Variants in PLEK observed in about 807,000 individuals in gnomAD.
PLEK encodes platelet 47 kDa protein.
In PLEK, 25 loss-of-function variants were observed where a neutral mutation model predicts 43.9. That is an observed-to-expected ratio of 0.57 (90% confidence interval 0.41 to 0.79). The LOEUF (loss-of-function observed/expected upper bound fraction) is 0.79, where lower values mean the gene tolerates loss of function less well. Ranked by LOEUF, PLEK falls within the 30% of genes least tolerant of loss-of-function variation. The probability of loss-of-function intolerance (pLI) is 0.00; values close to 1 mark genes in which losing one functional copy is unlikely to be tolerated. For synonymous variants in PLEK, 152 were observed against 144.4 expected (o/e 1.05, Z -0.38); for missense variants, 396 against 413.3 (o/e 0.96, Z 0.36).
chr2:68,370,630 C>T (rs535661721), intron 1 of PLEK, among the ~76,000 whole-genome samples: 1 of 152,230 alleles, frequency 6.6e-6, no homozygotes, highest in East Asian at 1.9e-4. Flanking sequence ...GGACTACAGG[C>T]ATGTGCCACC....
intron 4 of PLEK, among the ~76,000 whole-genome samples, chr2:68,384,373 C>A (rs1040880778): frequency 1.2e-4 from 19 of 152,152 alleles, no homozygotes; most frequent in Non-Finnish European, 1.8e-4. Context: ...TACAGATGTG[C>A]ACCACCATGC....
At chr2:68,388,316 G>C in intron 5 of PLEK, 71 bp from the exon 6 acceptor site, 1 of 841,650 alleles carries the variant, frequency 1.2e-6, no homozygotes, top group Non-Finnish European at 2.1e-6. Flanking sequence ...AGGGGAGGGG[G>C]AATGGAGATG....
chr2:68,371,761 T>C (rs192929248), intron 1 of PLEK, among the ~76,000 whole-genome samples: 4 of 151,626 alleles, frequency 2.6e-5, no homozygotes, highest in Admixed American at 1.3e-4. Context: ...TTGCTTTCGA[T>C]CTTACACTTC....
intron 6 of PLEK, among the ~76,000 whole-genome samples, chr2:68,389,490 G>A (rs572084519): frequency 6.6e-6 from 1 of 152,304 alleles, no homozygotes; most frequent in East Asian, 1.9e-4. Context: ...AATGGAATGG[G>A]CAAGGAGGGA....
chr2:68,393,567 G>A (rs756622483), intron 7 of PLEK, among the ~76,000 whole-genome samples: 12 of 152,118 alleles, frequency 7.9e-5, no homozygotes, highest in Non-Finnish European at 1.5e-4. Context: ...TATGCATAAA[G>A]GTGATAATTC....
chr2:68,387,283 C>T (rs985283535), intron 5 of PLEK, among the ~76,000 whole-genome samples: 1 of 152,174 alleles, frequency 6.6e-6, no homozygotes, highest in African/African-American at 2.4e-5. Flanking sequence ...TATTCTTATT[C>T]TAAGCAATAA....
chr2:68,380,315 G>C lies in PLEK; in HGVS notation c.43-13G>C. The C allele has an allele frequency of 1.2e-6, 2 of 1,602,172 alleles. No homozygotes were observed. Among genetic ancestry groups the C allele is most frequent in the Non-Finnish European group, 1.7e-6 (2 of 1,171,784 alleles). On this transcript the variant is annotated splice_polypyrimidine_tract_variant and intron_variant, in intron 1 of 8. Coordinates refer to ENST00000234313, the MANE Select transcript of PLEK (RefSeq NM_002664.3). Reference sequence around the variant, plus strand: ...AGCCCTGTCCATCTCAGCTCTTTTGGTTGTCATTACAGGGGAGCGTGTTCA... The same window carrying C: ...AGCCCTGTCCATCTCAGCTCTTTTGCTTGTCATTACAGGGGAGCGTGTTCA...
rs773956110 is a variant in PLEK at position 68,389,645 on chromosome 2, A to G, written c.762+1154A>G. 5.9e-5 allele frequency among the ~76,000 whole-genome samples: 9 copies of G among 152,226 alleles called. No individual in the cohort carries two copies. In the East Asian group the frequency reaches 1.3e-3, roughly 23 times the overall value. On this transcript the variant is annotated intron_variant, in intron 6 of 8. Coordinates refer to ENST00000234313, the MANE Select transcript of PLEK (RefSeq NM_002664.3). ...AAAATTACCTTCATATCAGGTTTTA[A>G]GAGAACAGTGTCCTAAGAAATATAT...
At chr2:68,365,432 T>C in intron 1 of PLEK, 39 bp downstream of exon 1, 3 of 1,553,482 alleles carry the variant, frequency 1.9e-6, no homozygotes, top group Non-Finnish European at 2.7e-6. Flanking sequence ...TCAGTGGACA[T>C]GGGCTGGGGA....
chr2:68,379,551 G>A (rs1673571336), intron 1 of PLEK, among the ~76,000 whole-genome samples: 1 of 152,140 alleles, frequency 6.6e-6, no homozygotes, highest in Admixed American at 6.6e-5. Flanking sequence ...TGTGTCAGAT[G>A]TAGTTTCAGA....
chr2:68,393,997 TGG>T (rs1374539211), intron 7 of PLEK, 108 bp from the exon 8 acceptor site: 1 of 728,256 alleles, frequency 1.4e-6, no homozygotes, highest in Non-Finnish European at 2.5e-6. Context: ...TTACTTATTT[TGG>T]GGGGCCCTGA....
intron 6 of PLEK, among the ~76,000 whole-genome samples, chr2:68,389,359 A>G (rs1673815613): frequency 1.3e-5 from 2 of 152,264 alleles, no homozygotes; most frequent in African/African-American, 4.8e-5. Context: ...AGTGCTGCTC[A>G]GTATATAATG....
rs1333245905 is a variant in PLEK at position 68,380,857 on chromosome 2, G to A, written c.333G>A (p.Arg111=). The A allele has an allele frequency of 1.9e-6, 3 of 1,614,008 alleles. No homozygotes were observed. The highest frequency in any genetic ancestry group is 3.3e-5 in the Admixed American group (2 of 60,008). Residue 111 remains arginine, a synonymous_variant, in exon 3 of 9, where the codon AGG becomes AGA. Transcript: ENST00000234313. ...KCIEGGQKFA[R]KSTRRSIRLP... is the part of the protein sequence containing the mutation. ...TTGAAGGAGGCCAGAAATTTGCCAG[G>A]AAATCTACCAGGAGGTCCATTCGAC... is the stretch of plus-strand genomic sequence containing the variant.
chr2:68,365,886 C>T (rs1035726394), intron 1 of PLEK, among the ~76,000 whole-genome samples: 2 of 151,980 alleles, frequency 1.3e-5, no homozygotes, highest in Non-Finnish European at 2.9e-5. Context: ...GGAATTGACA[C>T]GTTTAAAAAA....
intron 6 of PLEK, among the ~76,000 whole-genome samples, chr2:68,389,173 C>G (rs1423652377): frequency 1.3e-5 from 2 of 152,202 alleles, no homozygotes; most frequent in Non-Finnish European, 2.9e-5. Context: ...AAGAGATGGA[C>G]AGGGGCCAAG....
At chr2:68,368,629 T>A (rs1416265629) in intron 1 of PLEK, among the ~76,000 whole-genome samples, 1 of 152,242 alleles carries the variant, frequency 6.6e-6, no homozygotes, top group East Asian at 1.9e-4. Context: ...AGGGGGTTTC[T>A]TTCTGGCCAA....
rs1413606752 is a variant in PLEK at position 68,395,001 on chromosome 2, AG to A, written c.917-676del. ...CCACCTAGAATTATACTTTGGTTTT[AG>A]GGCAGGGAGCATGCTGGTTCTTTAT... On this transcript the variant is annotated intron_variant, in intron 8 of 8. Transcript: ENST00000234313. 7.5e-5 allele frequency among the ~76,000 whole-genome samples: 10 copies of A among 133,678 alleles called. No individual in the cohort carries two copies. In the East Asian group the frequency reaches 2.0e-3, roughly 27 times the overall value. The allele number at this position is 133,678 out of a possible 152,430, so 87.7% of individuals were successfully genotyped here.
At chr2:68,381,697 T>TAAAGACG (rs1490135395) in intron 3 of PLEK, among the ~76,000 whole-genome samples, 4 of 152,352 alleles carry the variant, frequency 2.6e-5, no homozygotes, top group South Asian at 4.1e-4. Context: ...AAGACATCCC[T>TAAAGACG]TCTGCACTTC....
At chr2:68,376,602 TATTTTTA>T (rs1050314546) in intron 1 of PLEK, among the ~76,000 whole-genome samples, 1 of 152,104 alleles carries the variant, frequency 6.6e-6, no homozygotes, top group African/African-American at 2.4e-5. Flanking sequence ...AATGTGATCT[TATTTTTA>T]ATTTTTAATT....
Sources: gnomAD v4.1 joint callset for allele counts (sites outside exome capture counted in the v4.1 genomes callset) on GRCh38, gnomAD v4.1.1 for gene constraint, MANE v1.5 for transcripts, NCBI Gene and HGNC (gene_info 2026-07-23, HGNC 2026-07-21) for gene names.